Variants in CDC14A observed in about 807,000 individuals in gnomAD.
CDC14A encodes the protein dual specificity protein phosphatase CDC14A.
In CDC14A, 53 loss-of-function variants were observed where a neutral mutation model predicts 74.4. The ratio of observed to expected loss-of-function variants is 0.71; its 90% CI spans 0.57 to 0.89. The LOEUF is 0.89. Ranked by LOEUF, CDC14A falls within the 40% of genes least tolerant of loss-of-function variation. The probability of loss-of-function intolerance (pLI) is 0.00; values close to 1 mark genes in which losing one functional copy is unlikely to be tolerated. For missense variants in CDC14A, 646 were observed against 713.7 expected (o/e 0.91, Z 1.08); for synonymous variants, 247 against 258.4 (o/e 0.96, Z 0.43).
intron 2 of CDC14A, among the ~76,000 whole-genome samples, chr1:100,359,304 GA>G (rs1206640134): frequency 6.6e-6 from 1 of 152,230 alleles, no homozygotes; most frequent in Non-Finnish European, 1.5e-5. Context: ...GGAGGAAGTA[GA>G]GGTCCAGAGA....
intron 15 of CDC14A, among the ~76,000 whole-genome samples, chr1:100,500,851 T>C (rs1648641406): frequency 7.5e-6 from 1 of 133,426 alleles, no homozygotes; most frequent in Non-Finnish European, 1.6e-5. Context: ...TGTGTGTGTG[T>C]GTTCATGTGT....
At chr1:100,510,351 C>T (rs994354020) in intron 15 of CDC14A, among the ~76,000 whole-genome samples, 4 of 152,206 alleles carry the variant, frequency 2.6e-5, no homozygotes, top group African/African-American at 4.8e-5. Flanking sequence ...CAATAACTTG[C>T]CCAAGGTGTC....
In CDC14A at chr1:100,386,160, G is replaced by C. The variant is rs577347508; in HGVS notation, c.217-4572G>C. 3.4e-5 allele frequency among the ~76,000 whole-genome samples: 5 copies of C among 149,202 alleles called. No homozygotes were observed. The South Asian group carries it at 1.1e-3, about 32-fold the overall frequency. On this transcript the variant is annotated intron_variant, in intron 3 of 15. Transcript: ENST00000336454. ...CCAGCCTGGGTGACAGAGTGAGATAGTATTTAAAAAAAAAAAAAAGAAGAG... is the reference window on the plus strand; with the variant it reads ...CCAGCCTGGGTGACAGAGTGAGATACTATTTAAAAAAAAAAAAAAGAAGAG...
intron 2 of CDC14A, among the ~76,000 whole-genome samples, chr1:100,357,559 T>A (rs987752046): frequency 2.6e-5 from 4 of 152,278 alleles, no homozygotes; most frequent in Admixed American, 1.3e-4. Context: ...TTTATATTCA[T>A]TATCACACAG....
intron 10 of CDC14A, among the ~76,000 whole-genome samples, chr1:100,482,200 T>A (rs1669553493): frequency 1.3e-5 from 2 of 152,184 alleles, no homozygotes; most frequent in South Asian, 4.1e-4. Context: ...GAAATTGGAA[T>A]TTTTTTCAAC....
intron 8 of CDC14A, among the ~76,000 whole-genome samples, chr1:100,456,443 T>C (rs552619731): frequency 1.2e-4 from 18 of 151,910 alleles, no homozygotes; most frequent in African/African-American, 4.1e-4. Context: ...CCCCCTTTTT[T>C]TTTCTATCTG....
chr1:100,464,466 C>A (rs1338281742), intron 9 of CDC14A, among the ~76,000 whole-genome samples: 1 of 152,114 alleles, frequency 6.6e-6, no homozygotes, highest in African/African-American at 2.4e-5. Context: ...TCAGTATTGC[C>A]CAGGTCCAAG....
intron 7 of CDC14A, among the ~76,000 whole-genome samples, chr1:100,444,387 C>T (rs1665300879): frequency 6.6e-6 from 1 of 152,170 alleles, no homozygotes; most frequent in Non-Finnish European, 1.5e-5. Context: ...ATAGAGTTCT[C>T]ATCTTGCTTG....
chr1:100,444,181 T>C (rs183562640), intron 7 of CDC14A, among the ~76,000 whole-genome samples: 114 of 152,340 alleles, frequency 7.5e-4, no homozygotes, highest in Admixed American at 1.7e-3. Flanking sequence ...CTCCCTAACC[T>C]AGTGAGTATT....
chr1:100,410,613 G>A (rs1356610327), intron 4 of CDC14A, among the ~76,000 whole-genome samples: 3 of 152,186 alleles, frequency 2.0e-5, no homozygotes, highest in Non-Finnish European at 4.4e-5. Context: ...CACTGTGCCC[G>A]GCCAGATATA....
Position 100,494,727 on chromosome 1 carries a change from C to T in CDC14A, c.1138-91C>T. ...GTGACTTAATCTATATTAAGATAAT[C>T]TGTATAAAATGTATCTATATATGTA... On this transcript the variant is annotated intron_variant, in intron 11 of 15. Transcript: ENST00000336454. 3 of 627,350 alleles carry T rather than the reference C, an allele frequency of 4.8e-6. No individual in the cohort carries two copies. In the Admixed American group the frequency reaches 8.6e-5, roughly 18 times the overall value. The allele number at this position is 627,350 out of a possible 1,614,324, so 38.9% of individuals were successfully genotyped here.
intron 15 of CDC14A, among the ~76,000 whole-genome samples, chr1:100,507,008 T>G (rs1649290972): frequency 6.6e-6 from 1 of 152,206 alleles, no homozygotes; most frequent in Non-Finnish European, 1.5e-5. Flanking sequence ...AGAACCCGTA[T>G]CTTAAAAACT....
chr1:100,473,260 T>C (rs1349557469), intron 10 of CDC14A, among the ~76,000 whole-genome samples: 1 of 152,110 alleles, frequency 6.6e-6, no homozygotes, highest in Admixed American at 6.5e-5. Context: ...TGTGTAGTTT[T>C]CTGGATGCAA....
At chr1:100,471,279 C>A (rs1458927662) in intron 10 of CDC14A, among the ~76,000 whole-genome samples, 1 of 152,056 alleles carries the variant, frequency 6.6e-6, no homozygotes, top group Non-Finnish European at 1.5e-5. Flanking sequence ...AAAACTGACC[C>A]CCCAAAAAAG....
rs72974061 is a variant in CDC14A at position 100,462,239 on chromosome 1, G to A, written c.608-412G>A. The stretch of plus-strand genomic sequence containing the variant: ...TACTACAAATTAAAACTATACATAT[G>A]GCAAAAAAGCTTCAGCTGTAGTTGA... On this transcript the variant is annotated intron_variant, in intron 8 of 15. Coordinates refer to ENST00000336454, the MANE Select transcript of CDC14A (RefSeq NM_003672.4). Among the ~76,000 whole-genome samples the A allele has an allele frequency of 3.2e-3, 481 of 152,170 alleles. 2 individuals carry two copies. Among genetic ancestry groups the A allele is most frequent in the African/African-American group, 0.011 (453 of 41,510 alleles).
intron 7 of CDC14A, among the ~76,000 whole-genome samples, chr1:100,446,415 G>T (rs892412305): frequency 3.9e-5 from 6 of 152,164 alleles, no homozygotes; most frequent in Admixed American, 3.3e-4. Flanking sequence ...GTTGTGTAAA[G>T]TCTACAGATA....
At chr1:100,392,901 C>G (rs1023840162) in intron 4 of CDC14A, 1 of 590,818 alleles carries the variant, frequency 1.7e-6, no homozygotes, top group Non-Finnish European at 3.0e-6. Flanking sequence ...ACCGCAGCAG[C>G]CCACACATTC....
intron 4 of CDC14A, among the ~76,000 whole-genome samples, chr1:100,409,471 A>T (rs1467946189): frequency 6.6e-6 from 1 of 152,224 alleles, no homozygotes; most frequent in Non-Finnish European, 1.5e-5. Flanking sequence ...GTCTCATCTG[A>T]GACAAGGCAA....
intron 3 of CDC14A, among the ~76,000 whole-genome samples, chr1:100,387,391 C>T (rs1425239229): frequency 1.3e-5 from 2 of 152,200 alleles, no homozygotes; most frequent in Admixed American, 6.5e-5. Context: ...GGCCAAGCTT[C>T]GCTAAGCAGG....
Sources: gnomAD v4.1 joint callset for allele counts (sites outside exome capture counted in the v4.1 genomes callset) on GRCh38, gnomAD v4.1.1 for gene constraint, MANE v1.5 for transcripts, NCBI Gene and HGNC (gene_info 2026-07-23, HGNC 2026-07-21) for gene names.